Variants in VPS13D observed in about 807,000 individuals in gnomAD.
VPS13D encodes vacuolar protein sorting 13 homolog D, also known as intermembrane lipid transfer protein VPS13D.
A neutral mutation model predicts 461.9 loss-of-function variants in VPS13D; 187 were observed. That is an observed-to-expected ratio of 0.40 (90% CI 0.36 to 0.46). The LOEUF is 0.46. Among genes scored for constraint, VPS13D ranks in the 20% least tolerant of loss-of-function variants. VPS13D has a pLI of 0.60. For missense variants in VPS13D, 4,711 were observed against 5,364.9 expected, an observed-to-expected ratio of 0.88 and a Z score of 3.81; for synonymous variants, 1,951 against 1,986.3, an observed-to-expected ratio of 0.98 and a Z score of 0.47.
At chr1:12,455,882 A>C (rs1645319616) in intron 65 of VPS13D, 116 bp from the exon 66 acceptor site, 1 of 1,321,108 alleles carries the variant, frequency 7.6e-7, no homozygotes. Context: ...TCACACCACT[A>C]CAGACCAGCA....
chr1:12,282,723 G>A lies in VPS13D; in HGVS notation c.4621G>A (p.Val1541Ile). ...NPVQVVLAKH[V>I]YEQVLQTLDN... ...AATACAGGTGGTGTTAGCAAAGCAT[G>A]TATATGAGCAGGTTTTACAAACCCT... is the stretch of plus-strand genomic sequence containing the variant. Residue 1541 changes from valine (V) to isoleucine (I), a missense_variant, in exon 21 of 70, where the codon GTA (valine) becomes ATA (isoleucine). Around this residue, in one of 3 missense-constraint regions of VPS13D, gnomAD observed 4,411 missense variants for 4,937.8 expected, o/e 0.89. Coordinates refer to ENST00000620676, the MANE Select transcript of VPS13D (RefSeq NM_015378.4). 6.2e-7 allele frequency: 1 copy of A among 1,609,102 alleles called. No homozygotes were observed. Among genetic ancestry groups the A allele is most frequent in the Non-Finnish European group, 8.5e-7 (1 of 1,176,186 alleles).
chr1:12,506,989 C>T lies in VPS13D; in HGVS notation c.12931C>T (p.Leu4311Phe). The T allele has an allele frequency of 1.9e-6, 3 of 1,614,286 alleles. No individual in the cohort carries two copies. Among genetic ancestry groups the T allele is most frequent in the Non-Finnish European group, 2.5e-6 (3 of 1,180,056 alleles). ...CAAATACGATGACCTCTACCACTGC[C>T]TTGTCTCCAAAGACCATGGGAAGGT... Reference protein sequence around the residue: ...EVKYDDLYHCLVSKDHGKVYV... With the variant: ...EVKYDDLYHCFVSKDHGKVYV... The change falls in exon 69 of 70, where the codon CTT (leucine) becomes TTT (phenylalanine). Residue 4311 changes from leucine (L) to phenylalanine (F), a missense_variant. Coordinates refer to ENST00000620676, the MANE Select transcript of VPS13D (RefSeq NM_015378.4).
At chr1:12,438,608 C>G (rs1557439303) in intron 65 of VPS13D, among the ~76,000 whole-genome samples, 1 of 152,182 alleles carries the variant, frequency 6.6e-6, no homozygotes, top group South Asian at 2.1e-4. Context: ...AAACACAGAT[C>G]AGCACCCAGC....
intron 35 of VPS13D, among the ~76,000 whole-genome samples, chr1:12,326,725 C>A (rs1395204374): frequency 6.6e-6 from 1 of 151,800 alleles, no homozygotes; most frequent in African/African-American, 2.4e-5. Context: ...CTCCCTGCAA[C>A]CTCCGCCTCC....
At chr1:12,423,569 C>T (rs1644888728) in intron 65 of VPS13D, among the ~76,000 whole-genome samples, 2 of 152,066 alleles carry the variant, frequency 1.3e-5, no homozygotes, top group South Asian at 4.1e-4. Flanking sequence ...CTTTAAATAC[C>T]ATTTTGTTCC....
chr1:12,327,767 G>A lies in VPS13D; in HGVS notation c.8110G>A (p.Val2704Met), dbSNP rs767024339. 7.4e-6 allele frequency: 12 copies of A among 1,613,990 alleles called. No individual in the cohort carries two copies. The highest frequency in any genetic ancestry group is 2.7e-5 in the African/African-American group (2 of 74,896). ...TGTGGCAGCGCCATTGATCTCTGGC[G>A]TGGAGATCAAAGCTGAGAGTGTGTG... ...GAVAAPLISG[V>M]EIKAESVCIC... Residue 2704 changes from valine to methionine, a missense_variant, in exon 36 of 70, where the codon GTG becomes ATG. By Grantham distance (21) the Val-to-Met change is conservative. Around this residue, in one of 3 missense-constraint regions of VPS13D, gnomAD observed 4,411 missense variants for 4,937.8 expected, o/e 0.89. Transcript: ENST00000620676.
chr1:12,375,931 AG>A (rs1004128497), intron 55 of VPS13D, among the ~76,000 whole-genome samples: 1 of 152,154 alleles, frequency 6.6e-6, no homozygotes, highest in African/African-American at 2.4e-5. Flanking sequence ...CTAAATTATT[AG>A]GGAAGGGAGG....
chr1:12,407,782 A>G (rs1260527813), intron 63 of VPS13D, among the ~76,000 whole-genome samples: 1 of 145,278 alleles, frequency 6.9e-6, no homozygotes, highest in Non-Finnish European at 1.5e-5. Context: ...AATAGTGTCT[A>G]TGATGAAGGT....
Position 12,318,071 on chromosome 1 carries a change from G to T in VPS13D, c.7149-1G>T. On this transcript the variant is annotated splice_acceptor_variant, in intron 30 of 69. Coordinates refer to ENST00000620676, the MANE Select transcript of VPS13D (RefSeq NM_015378.4). LOFTEE classifies it high-confidence loss of function. ...TATTTTCTCCTGTCTTCTTTTTATA[G>T]ATCTACCAAGGATTCCTCCTGCTTT... The T allele has an allele frequency of 6.2e-7, 1 of 1,600,196 alleles. No homozygotes were observed. Among genetic ancestry groups the T allele is most frequent in the South Asian group, 1.1e-5 (1 of 89,710 alleles).
chr1:12,253,368 G>T (rs1045078181), intron 6 of VPS13D, among the ~76,000 whole-genome samples: 1 of 152,142 alleles, frequency 6.6e-6, no homozygotes, highest in Non-Finnish European at 1.5e-5. Context: ...CTGATACTGA[G>T]GGAGGACTGT....
chr1:12,276,499 A>C lies in VPS13D; in HGVS notation c.2911A>C (p.Asn971His). 6.2e-7 allele frequency: 1 copy of C among 1,614,134 alleles called. No individual in the cohort carries two copies. Among genetic ancestry groups the C allele is most frequent in the Non-Finnish European group, 8.5e-7 (1 of 1,180,006 alleles). ...CTGTATGCAGCTTGGTGTTGAGAGC[A>C]ATGGCCGGTACATTTCTGTGCTCAA... is the stretch of plus-strand genomic sequence containing the variant. ...VNCMQLGVES[N>H]GRYISVLKVF... Residue 971 changes from asparagine (N) to histidine (H), a missense_variant, in exon 19 of 70, where the codon AAT (asparagine) becomes CAT (histidine). Physicochemically the swap from Asn to His is moderately conservative, Grantham distance 68. Transcript: ENST00000620676. This position sits in a 1 kb window ranked among gnomAD's most constrained non-coding sequence, Gnocchi z 4.5.
intron 5 of VPS13D, among the ~76,000 whole-genome samples, chr1:12,248,181 G>C (rs1640621012): frequency 6.6e-6 from 1 of 151,998 alleles, no homozygotes; most frequent in African/African-American, 2.4e-5. Context: ...GATCCACCGT[G>C]CCTGGCCATC....
In VPS13D at chr1:12,260,964, A is replaced by T. The variant is rs112286021; in HGVS notation, c.1229A>T (p.Gln410Leu). The T allele has an allele frequency of 6.3e-4, 1,018 of 1,613,730 alleles. 11 individuals carry two copies. The highest frequency in any genetic ancestry group is 4.3e-4 in the Admixed American group (26 of 60,006). Reference sequence around the variant, plus strand: ...TTGACACAGAGTCTGCGGGAGCCTCAGTTTGATTCTCCAGGAGCCTGTCCG... The same window carrying T: ...TTGACACAGAGTCTGCGGGAGCCTCTGTTTGATTCTCCAGGAGCCTGTCCG... Reference protein sequence around the residue: ...EELAESLREPQFDSPGACPGA... With the variant: ...EELAESLREPLFDSPGACPGA... The change falls in exon 12 of 70, where the codon CAG (glutamine) becomes CTG (leucine). Residue 410 changes from glutamine to leucine, a missense_variant. Physicochemically the swap from Gln to Leu is moderately radical, Grantham distance 113 (BLOSUM62 -2). This residue lies in a region of VPS13D where 4,411 missense variants were observed against 4,937.8 expected (regional missense o/e 0.89). Coordinates refer to ENST00000620676, the MANE Select transcript of VPS13D (RefSeq NM_015378.4).
At chr1:12,352,065 A>C (rs1643808695) in intron 46 of VPS13D, among the ~76,000 whole-genome samples, 1 of 151,448 alleles carries the variant, frequency 6.6e-6, no homozygotes, top group Non-Finnish European at 1.5e-5. Flanking sequence ...CAAGGTGGGC[A>C]GCTCACTTGA....
intron 63 of VPS13D, among the ~76,000 whole-genome samples, chr1:12,404,253 C>T (rs916150582): frequency 2.0e-5 from 3 of 151,804 alleles, no homozygotes; most frequent in African/African-American, 4.8e-5. Flanking sequence ...TCTGTAAAAC[C>T]CATTTGCTCT....
intron 5 of VPS13D, among the ~76,000 whole-genome samples, chr1:12,248,702 G>A (rs1040363716): frequency 1.3e-5 from 2 of 152,284 alleles, no homozygotes; most frequent in South Asian, 4.1e-4. Context: ...CACTTACAGG[G>A]AGGGGCTAGG....
At chr1:12,432,610 T>C (rs926536594) in intron 65 of VPS13D, among the ~76,000 whole-genome samples, 15 of 134,868 alleles carry the variant, frequency 1.1e-4, no homozygotes, top group East Asian at 1.1e-3. Flanking sequence ...ATCCTTTCCC[T>C]TTTTTTTTTT....
intron 35 of VPS13D, among the ~76,000 whole-genome samples, chr1:12,326,313 C>G (rs1427395323): frequency 1.5e-5 from 2 of 132,152 alleles, no homozygotes; most frequent in Non-Finnish European, 3.2e-5. Context: ...GTTCTGAGAA[C>G]CTTTTGGATT....
chr1:12,330,023 G>T, intron 37 of VPS13D, 105 bp downstream of exon 37: 1 of 703,668 alleles, frequency 1.4e-6, no homozygotes, highest in Non-Finnish European at 2.3e-6. Context: ...GCAGGGGTGG[G>T]GTGGGACGGG....
Sources: allele counts gnomAD v4.1 joint callset (sites outside exome capture counted in the v4.1 genomes callset), GRCh38; gene constraint gnomAD v4.1.1; regional missense constraint gnomAD v4.1.1; non-coding constraint Gnocchi (gnomAD v3.1); transcripts MANE v1.5; gene names NCBI Gene and HGNC (gene_info 2026-07-23, HGNC 2026-07-21).